Variants in LDAH observed in about 807,000 individuals in gnomAD.
LDAH encodes the protein lipid droplet associated hydrolase, also known as lipid droplet-associated hydrolase.
In LDAH, 26 loss-of-function variants were observed where a neutral mutation model predicts 29.6. The ratio of observed to expected loss-of-function variants is 0.88; its 90% CI spans 0.64 to 1.22. The LOEUF (loss-of-function observed/expected upper bound fraction) is 1.22. Among genes scored for constraint, LDAH ranks in the 50% most tolerant of loss-of-function variants. The probability of loss-of-function intolerance (pLI) is 0.00; values close to 1 mark genes in which losing one functional copy is unlikely to be tolerated. For synonymous variants in LDAH, 117 were observed against 133.0 expected (o/e 0.88, Z 0.83); for missense variants, 344 against 387.3 (o/e 0.89, Z 0.94).
chr2:20,797,215 G>C (rs976688486), intron 2 of LDAH, among the ~76,000 whole-genome samples: 3 of 152,186 alleles, frequency 2.0e-5, no homozygotes, highest in Admixed American at 2.0e-4. Flanking sequence ...TTAAAACAAA[G>C]AGAAATTCTC....
At chr2:20,800,459 A>G (rs904457735) in intron 2 of LDAH, among the ~76,000 whole-genome samples, 2 of 152,254 alleles carry the variant, frequency 1.3e-5, no homozygotes, top group African/African-American at 4.8e-5. Flanking sequence ...AATTCACAGA[A>G]TAAGAATAAA....
At chr2:20,787,599 T>C (rs1042386250) in intron 3 of LDAH, among the ~76,000 whole-genome samples, 48 of 152,294 alleles carry the variant, frequency 3.2e-4, no homozygotes, top group East Asian at 1.2e-3. Flanking sequence ...TAGCCTCAGC[T>C]TTTTTCTTAT....
intron 2 of LDAH, among the ~76,000 whole-genome samples, chr2:20,792,774 G>A (rs1050660446): frequency 1.3e-5 from 2 of 152,078 alleles, no homozygotes; most frequent in African/African-American, 4.8e-5. Context: ...GAAAAACAGT[G>A]AGTACTAGAT....
intron 1 of LDAH, among the ~76,000 whole-genome samples, chr2:20,817,517 A>G (rs1415648664): frequency 6.6e-6 from 1 of 152,180 alleles, no homozygotes; most frequent in Non-Finnish European, 1.5e-5. Flanking sequence ...ATGGAAATAT[A>G]TAATTATATA....
Position 20,685,627 on chromosome 2 carries a change from T to C in LDAH, c.*1276A>G, listed in dbSNP as rs188310644. On this transcript the variant is annotated 3_prime_UTR_variant, in exon 7 of 7. Coordinates refer to ENST00000237822, the MANE Select transcript of LDAH (RefSeq NM_021925.4). ...GAGCGGAGGGACATCTCATTGTCCTTAGGGAATGATAATGCCATGAGGGAT... is the reference window on the plus strand; with the variant it reads ...GAGCGGAGGGACATCTCATTGTCCTCAGGGAATGATAATGCCATGAGGGAT... 80 of 1,550,380 alleles carry C rather than the reference T, an allele frequency of 5.2e-5. No homozygotes were observed. In the East Asian group the frequency reaches 7.1e-4, roughly 14 times the overall value.
intron 5 of LDAH, among the ~76,000 whole-genome samples, chr2:20,736,900 T>A (rs111240401): frequency 2.6e-5 from 4 of 152,222 alleles, no homozygotes; most frequent in African/African-American, 9.7e-5. Context: ...TCTCTGGGTA[T>A]CTCCCATGTA....
chr2:20,712,537 A>T (rs1421379084), intron 5 of LDAH, among the ~76,000 whole-genome samples: 1 of 152,182 alleles, frequency 6.6e-6, no homozygotes, highest in African/African-American at 2.4e-5. Context: ...AGAGAATGAC[A>T]TTATGAGTTG....
At chr2:20,717,070 C>A (rs1177459317) in intron 5 of LDAH, among the ~76,000 whole-genome samples, 1 of 152,102 alleles carries the variant, frequency 6.6e-6, no homozygotes, top group Non-Finnish European at 1.5e-5. Context: ...AAAAGACAAA[C>A]TTGATTTCTA....
chr2:20,712,270 T>A (rs1393572626), intron 5 of LDAH, among the ~76,000 whole-genome samples: 10 of 151,916 alleles, frequency 6.6e-5, no homozygotes, highest in Admixed American at 6.6e-4. Context: ...TCCAGCAAAC[T>A]CCAACAGACC....
At position 20,687,038 on chromosome 2, in the gene LDAH, G is replaced by A; in HGVS notation, c.843C>T (p.Asp281=). The change falls in exon 7 of 7, where the codon GAC becomes GAT. Residue 281 remains aspartate, a synonymous_variant. Coordinates refer to ENST00000237822, the MANE Select transcript of LDAH (RefSeq NM_021925.4). ...DPWCPKEYYE[D]IKKDFPEGDI... is the part of the protein sequence containing the mutation. ...CTCCTTCTGGAAAATCCTTCTTAAT[G>A]TCTTCATAGTACTCTTTTGGACACC... The A allele has an allele frequency of 6.2e-7, 1 of 1,613,870 alleles. No individual in the cohort carries two copies. The highest frequency in any genetic ancestry group is 8.5e-7 in the Non-Finnish European group (1 of 1,179,818).
intron 5 of LDAH, among the ~76,000 whole-genome samples, chr2:20,723,688 A>G (rs1273335994): frequency 6.6e-6 from 1 of 152,168 alleles, no homozygotes; most frequent in African/African-American, 2.4e-5. Flanking sequence ...TCATAATACA[A>G]CATAGTGGTC....
Position 20,703,697 on chromosome 2 carries a change from C to T in LDAH, c.704-2045G>A, listed in dbSNP as rs142663840. Among the ~76,000 whole-genome samples the T allele has an allele frequency of 7.3e-3, 1,106 of 152,290 alleles. 13 individuals are homozygous for T. The highest frequency in any genetic ancestry group is 0.025 in the African/African-American group (1,051 of 41,558). The stretch of plus-strand genomic sequence containing the variant: ...CTGAGTCAATTCTTCCTGGAGACCT[C>T]CTTTCCAGGACCCTGAGACCTTCTG... On this transcript the variant is annotated intron_variant, in intron 5 of 6. Coordinates refer to ENST00000237822, the MANE Select transcript of LDAH (RefSeq NM_021925.4).
At chr2:20,717,382 C>T (rs1465389548) in intron 5 of LDAH, among the ~76,000 whole-genome samples, 1 of 152,116 alleles carries the variant, frequency 6.6e-6, no homozygotes, top group Non-Finnish European at 1.5e-5. Flanking sequence ...AAAACTTCTA[C>T]AAACCAGTAA....
chr2:20,763,619 G>A (rs1668833416), intron 4 of LDAH, among the ~76,000 whole-genome samples: 1 of 152,162 alleles, frequency 6.6e-6, no homozygotes, highest in Admixed American at 6.5e-5. Context: ...AATGTGTTGG[G>A]CAGTAAATAT....
At chr2:20,780,644 A>G (rs1248958442) in intron 3 of LDAH, among the ~76,000 whole-genome samples, 1 of 152,204 alleles carries the variant, frequency 6.6e-6, no homozygotes, top group Admixed American at 6.5e-5. Context: ...GAAGATACCT[A>G]TAGATTGCCA....
At chr2:20,722,551 A>T (rs1350604462) in intron 5 of LDAH, among the ~76,000 whole-genome samples, 2 of 152,112 alleles carry the variant, frequency 1.3e-5, no homozygotes, top group Non-Finnish European at 2.9e-5. Context: ...GCAGTGGGAA[A>T]ATTATAGTAA....
intron 5 of LDAH, among the ~76,000 whole-genome samples, chr2:20,703,627 G>A (rs1032470469): frequency 2.0e-5 from 3 of 151,956 alleles, no homozygotes; most frequent in Admixed American, 6.6e-5. Context: ...ATTTGTTTTC[G>A]TTACAGTTAC....
intron 2 of LDAH, among the ~76,000 whole-genome samples, chr2:20,796,289 C>T (rs1369933886): frequency 6.6e-6 from 1 of 152,122 alleles, no homozygotes. Context: ...TAATGCAACA[C>T]AGTATTCCTA....
At chr2:20,817,434 C>T (rs557961380) in intron 1 of LDAH, among the ~76,000 whole-genome samples, 3 of 152,180 alleles carry the variant, frequency 2.0e-5, no homozygotes, top group Admixed American at 6.5e-5. Flanking sequence ...AACTACAACA[C>T]ATCTCTCATA....
Sources: allele counts gnomAD v4.1 joint callset (sites outside exome capture counted in the v4.1 genomes callset), GRCh38; gene constraint gnomAD v4.1.1; transcripts MANE v1.5; gene names NCBI Gene and HGNC (gene_info 2026-07-23, HGNC 2026-07-21).